Variants in CDH26 observed in about 807,000 individuals in gnomAD.
CDH26 encodes cadherin-like protein 26.
CDH26 carries 83 observed loss-of-function variants against 90.3 expected under a neutral mutation model. The observed-to-expected ratio is 0.92, with a 90% confidence interval of 0.77 to 1.10. CDH26 has a LOEUF of 1.10. CDH26 is among the 50% of genes least tolerant of loss of function. The pLI, the probability that CDH26 is intolerant of heterozygous loss-of-function variation, is 0.00. For missense variants in CDH26, 1,013 were observed against 1,037.6 expected (o/e 0.98, Z 0.33); for synonymous variants, 397 against 396.3 (o/e 1.00, Z -0.02).
At chr20:59,963,916 C>T (rs1045564097) in intron 1 of CDH26, among the ~76,000 whole-genome samples, 1 of 152,112 alleles carries the variant, frequency 6.6e-6, no homozygotes, top group Admixed American at 6.5e-5. Flanking sequence ...AACCTCTCTC[C>T]TCCATGGTCT....
At chr20:60,008,883 G>A (rs952343461) in intron 17 of CDH26, among the ~76,000 whole-genome samples, 1 of 152,228 alleles carries the variant, frequency 6.6e-6, no homozygotes, top group African/African-American at 2.4e-5. Flanking sequence ...GGGCCTAGAA[G>A]CTTTGCCTAA....
downstream of CDH26, among the ~76,000 whole-genome samples, chr20:60,014,686 T>C (rs962136307): frequency 7.2e-5 from 11 of 152,234 alleles, 1 homozygote; most frequent in Admixed American, 7.2e-4. Context: ...CATGCTTTCT[T>C]CATGCATTCA....
At chr20:59,990,998 T>C (rs1216899499) in intron 9 of CDH26, among the ~76,000 whole-genome samples, 1 of 152,084 alleles carries the variant, frequency 6.6e-6, no homozygotes, top group Non-Finnish European at 1.5e-5. Context: ...GCCTCCTGAG[T>C]AGCTGGGACT....
At chr20:59,970,797 G>T (rs577220239) in intron 3 of CDH26, among the ~76,000 whole-genome samples, 2 of 150,006 alleles carry the variant, frequency 1.3e-5, no homozygotes, top group South Asian at 4.2e-4. Context: ...GCGACAGCGA[G>T]ACTCTGTCTC....
At chr20:59,996,597 G>A (rs1304242765) in intron 12 of CDH26, 34 bp from the exon 13 acceptor site, 2 of 1,614,196 alleles carry the variant, frequency 1.2e-6, no homozygotes, top group Middle Eastern at 1.6e-4. Context: ...GGGTGAGCTT[G>A]TCTAATCTGT....
intron 1 of CDH26, among the ~76,000 whole-genome samples, chr20:59,962,427 A>G (rs532287918): frequency 6.6e-6 from 1 of 152,324 alleles, no homozygotes; most frequent in East Asian, 1.9e-4. Flanking sequence ...GGTTGCTGGC[A>G]ATCCCAGCTG....
At chr20:59,968,014 C>CTTT (rs2061197000) in intron 1 of CDH26, among the ~76,000 whole-genome samples, 6 of 60,540 alleles carry the variant, frequency 9.9e-5, no homozygotes, top group Non-Finnish European at 1.3e-4. Flanking sequence ...TTTCTTTCTT[C>CTTT]CTTTCTCTCT....
At chr20:60,017,449 T>C (rs1187114188), downstream of CDH26, among the ~76,000 whole-genome samples, 3 of 152,118 alleles carry the variant, frequency 2.0e-5, no homozygotes, top group Non-Finnish European at 4.4e-5. Context: ...GTCTCTATTG[T>C]GACATCTCAA....
chr20:59,972,032 C>T lies in CDH26; in HGVS notation c.302C>T (p.Pro101Leu). Residue 101 changes from proline (P) to leucine (L), a missense_variant, in exon 4 of 18, where the codon CCA becomes CTA. By Grantham distance (98) the Pro-to-Leu change is moderately conservative (BLOSUM62 -3). Coordinates refer to ENST00000348616, the MANE Select transcript of CDH26 (RefSeq NM_177980.4). Reference sequence around the variant, plus strand: ...AGTGGACCTGGTGTGGATGAATATCCAGAGATTGGTTTGTTTTCTCTAGAA... The same window carrying T: ...AGTGGACCTGGTGTGGATGAATATCTAGAGATTGGTTTGTTTTCTCTAGAA... Reference protein sequence around the residue: ...LISGPGVDEYPEIGLFSLEDH... With the variant: ...LISGPGVDEYLEIGLFSLEDH... 6.2e-7 allele frequency: 1 copy of T among 1,613,524 alleles called. No homozygotes were observed. Among genetic ancestry groups the T allele is most frequent in the Non-Finnish European group, 8.5e-7 (1 of 1,179,534 alleles).
At chr20:59,963,116 AG>A (rs1344591346) in intron 1 of CDH26, among the ~76,000 whole-genome samples, 2 of 152,130 alleles carry the variant, frequency 1.3e-5, no homozygotes, top group East Asian at 3.8e-4. Flanking sequence ...GGCTGTTGTG[AG>A]GATCAAATAC....
chr20:59,998,260 G>A (rs1009616862), intron 13 of CDH26, among the ~76,000 whole-genome samples: 1 of 152,206 alleles, frequency 6.6e-6, no homozygotes, highest in Non-Finnish European at 1.5e-5. Flanking sequence ...CCTCCTTGGA[G>A]GGAGAGAGTG....
At chr20:59,988,874 G>GA (rs2061489859) in intron 8 of CDH26, 30 bp from the exon 9 acceptor site, 1 of 1,608,112 alleles carries the variant, frequency 6.2e-7, no homozygotes. Flanking sequence ...AGCAGCAGGT[G>GA]CTAATGAAAT....
At position 60,006,792 on chromosome 20, in the gene CDH26, G is replaced by A; in HGVS notation, c.2295+5G>A. The A allele has an allele frequency of 6.2e-7, 1 of 1,611,742 alleles. No individual in the cohort carries two copies. Among genetic ancestry groups the A allele is most frequent in the Non-Finnish European group, 8.5e-7 (1 of 1,177,842 alleles). ...ATGGCAGAGACATTGAATCAGGTAG[G>A]GAGAGCTCCCCTTGTGCTGTGCACT... On this transcript the variant is annotated splice_donor_5th_base_variant and intron_variant, in intron 17 of 17. Coordinates refer to ENST00000348616, the MANE Select transcript of CDH26 (RefSeq NM_177980.4).
At chr20:60,034,486 T>C (rs2062068411), downstream of CDH26, among the ~76,000 whole-genome samples, 1 of 152,160 alleles carries the variant, frequency 6.6e-6, no homozygotes, top group African/African-American at 2.4e-5. Context: ...TCTCTGCTCA[T>C]AGCCTCGGAG....
rs142853823 is a variant in CDH26 at position 59,992,444 on chromosome 20, C to T, written c.1350C>T (p.Thr450=). ...ACAAAAACTCCGGAGTGGTCATCACCGTGGAGCCAATTGACCGAGAATCCC... is the reference window on the plus strand; with the variant it reads ...ACAAAAACTCCGGAGTGGTCATCACTGTGGAGCCAATTGACCGAGAATCCC... ...SVDKNSGVVI[T]VEPIDRESPH... Residue 450 remains threonine (T), a synonymous_variant, in exon 10 of 18, where the codon ACC becomes ACT. Coordinates refer to ENST00000348616, the MANE Select transcript of CDH26 (RefSeq NM_177980.4). This position sits in a 1 kb window ranked among gnomAD's most constrained non-coding sequence, Gnocchi z 5.0. 518 of 1,613,884 alleles carry T rather than the reference C, an allele frequency of 3.2e-4. 1 individual carries two copies. The highest frequency in any genetic ancestry group is 4.0e-4 in the Non-Finnish European group (469 of 1,179,944).
At chr20:59,960,945 C>T (rs768362143) in intron 1 of CDH26, among the ~76,000 whole-genome samples, 1 of 152,184 alleles carries the variant, frequency 6.6e-6, no homozygotes, top group Admixed American at 6.5e-5. Flanking sequence ...ACTGGGAATA[C>T]ACCAATAAAC....
intron 1 of CDH26, among the ~76,000 whole-genome samples, chr20:59,963,060 G>A (rs2061096557): frequency 6.6e-6 from 1 of 152,130 alleles, no homozygotes; most frequent in Non-Finnish European, 1.5e-5. Context: ...CTTTGTGTGT[G>A]AGTGTTGTAT....
At chr20:59,995,706 C>G (rs1356862677) in intron 11 of CDH26, 127 bp from the exon 12 acceptor site, 1 of 768,444 alleles carries the variant, frequency 1.3e-6, no homozygotes. Context: ...AGGACCCCTC[C>G]CTCTAACTCT....
intron 17 of CDH26, among the ~76,000 whole-genome samples, chr20:60,010,600 G>A (rs1186868181): frequency 1.3e-5 from 2 of 152,186 alleles, no homozygotes; most frequent in African/African-American, 2.4e-5. Context: ...AGTTTGCTGG[G>A]TTGGAGATTG....
Sources: allele counts gnomAD v4.1 joint callset (sites outside exome capture counted in the v4.1 genomes callset), GRCh38; gene constraint gnomAD v4.1.1; non-coding constraint Gnocchi (gnomAD v3.1); transcripts MANE v1.5; gene names NCBI Gene and HGNC (gene_info 2026-07-23, HGNC 2026-07-21).